GLIS3: variants seen among roughly 807,000 people sequenced by gnomAD.
GLIS3 encodes the protein zinc finger protein GLIS3.
In GLIS3, 53 loss-of-function variants were observed where a neutral mutation model predicts 78.6. The observed-to-expected ratio is 0.67, with a 90% confidence interval of 0.54 to 0.85. The LOEUF (loss-of-function observed/expected upper bound fraction) is 0.85, where lower values mean the gene tolerates loss of function less well. Among genes scored for constraint, GLIS3 ranks in the 40% least tolerant of loss-of-function variants. The pLI, the probability that GLIS3 is intolerant of heterozygous loss-of-function variation, is 0.00. For missense variants in GLIS3, 1,703 were observed against 1,231.1 expected, an observed-to-expected ratio of 1.38 and a Z score of -5.74; for synonymous variants, 684 against 509.9, an observed-to-expected ratio of 1.34 and a Z score of -4.60.
the GLIS3 span, among the ~76,000 whole-genome samples, chr9:4,385,793 GAAAGAAAGAAAGAAAGAAAAGAA>G: frequency 0.012 from 933 of 75,708 alleles, 51 homozygotes; most frequent in African/African-American, 0.056. Context: ...AAGAAAGAAA[GAAAGAAAGAAAGAAAGAAAAGAA>G]AGAAAGAGAA....
intron 4 of GLIS3, among the ~76,000 whole-genome samples, chr9:3,974,950 C>T (rs1818653518): frequency 1.3e-5 from 2 of 151,862 alleles, no homozygotes; most frequent in African/African-American, 2.4e-5. Context: ...GGACTAGAAA[C>T]GTGATAAGGC....
chr9:4,175,773 T>C (rs924131998), intron 2 of GLIS3, among the ~76,000 whole-genome samples: 6 of 152,214 alleles, frequency 3.9e-5, no homozygotes, highest in Admixed American at 6.5e-5. Flanking sequence ...AGGGATTGAA[T>C]ACTCCTTTTA....
intron 4 of GLIS3, among the ~76,000 whole-genome samples, chr9:4,089,792 C>T (rs1208339357): frequency 6.6e-6 from 1 of 152,120 alleles, no homozygotes; most frequent in Non-Finnish European, 1.5e-5. Flanking sequence ...GCATTCTAGC[C>T]TGGGCAACAA....
chr9:4,149,048 G>T (rs548426181), intron 2 of GLIS3, among the ~76,000 whole-genome samples: 5 of 152,296 alleles, frequency 3.3e-5, no homozygotes, highest in Non-Finnish European at 4.4e-5. Context: ...CAAAGGAGGT[G>T]CAGAGTTTAC....
At chr9:3,965,296 C>A (rs551760318) in intron 4 of GLIS3, among the ~76,000 whole-genome samples, 2 of 144,670 alleles carry the variant, frequency 1.4e-5, no homozygotes, top group Non-Finnish European at 1.5e-5. Flanking sequence ...CAGGTTCAAG[C>A]GATTCTCCTG....
At chr9:4,251,928 TG>T (rs1364647161) in intron 2 of GLIS3, among the ~76,000 whole-genome samples, 2 of 152,232 alleles carry the variant, frequency 1.3e-5, no homozygotes, top group Admixed American at 1.3e-4. Flanking sequence ...TGTTTAATAT[TG>T]GCCCCCACTC....
At chr9:4,374,057 G>C in the GLIS3 span, among the ~76,000 whole-genome samples, 11 of 152,190 alleles carry the variant, frequency 7.2e-5, no homozygotes, top group African/African-American at 2.7e-4. Flanking sequence ...TGCAACGAAT[G>C]GAATAGGTAA....
chr9:4,373,962 G>A, the GLIS3 span, among the ~76,000 whole-genome samples: 1 of 152,160 alleles, frequency 6.6e-6, no homozygotes, highest in African/African-American at 2.4e-5. Flanking sequence ...CACCGCGCCT[G>A]GCCGAAAATG....
intron 3 of GLIS3, among the ~76,000 whole-genome samples, chr9:4,120,354 AAC>A (rs1832081371): frequency 1.3e-5 from 2 of 152,250 alleles, no homozygotes; most frequent in Admixed American, 6.5e-5. Flanking sequence ...ACCAAAGACA[AAC>A]ACAGCAGGAA....
intron 2 of GLIS3, among the ~76,000 whole-genome samples, chr9:4,334,047 C>T (rs942057229): frequency 6.6e-6 from 1 of 152,088 alleles, no homozygotes; most frequent in Non-Finnish European, 1.5e-5. Flanking sequence ...ATGAGGCAGA[C>T]AATACTCTAG....
At chr9:4,305,724 A>C (rs902494282) in intron 4 of GLIS3, 2 of 148,356 alleles carry the variant, frequency 1.3e-5, no homozygotes, top group Non-Finnish European at 3.0e-5. Context: ...CTAGAGAGCC[A>C]CTGGAAAGGT....
At chr9:4,416,668 G>A in the GLIS3 span, among the ~76,000 whole-genome samples, 3 of 152,008 alleles carry the variant, frequency 2.0e-5, no homozygotes, top group Admixed American at 1.3e-4. Context: ...CTGTTTGGCT[G>A]GTGTCACTTC....
intron 4 of GLIS3, among the ~76,000 whole-genome samples, chr9:3,988,580 A>T (rs1819962160): frequency 6.6e-6 from 1 of 152,204 alleles, no homozygotes; most frequent in Non-Finnish European, 1.5e-5. Flanking sequence ...ATTGAACAGA[A>T]TAGACAACCC....
At chr9:4,434,253 G>A in the GLIS3 span, among the ~76,000 whole-genome samples, 2 of 152,168 alleles carry the variant, frequency 1.3e-5, no homozygotes, top group Non-Finnish European at 2.9e-5. Context: ...CCAAGCACCT[G>A]CTGTATGCCA....
At chr9:4,289,644 C>A (rs966861251) in intron 1 of GLIS3, among the ~76,000 whole-genome samples, 1 of 152,072 alleles carries the variant, frequency 6.6e-6, no homozygotes. Flanking sequence ...AACTACTCTA[C>A]CCCAGGCTAC....
intron 1 of GLIS3, among the ~76,000 whole-genome samples, chr9:4,297,937 C>T (rs1440077560): frequency 6.9e-6 from 1 of 144,552 alleles, no homozygotes; most frequent in African/African-American, 2.5e-5. Context: ...CGGCGCGGAG[C>T]TAGGGGCGGG....
At chr9:4,166,369 A>G (rs1262436693) in intron 2 of GLIS3, among the ~76,000 whole-genome samples, 2 of 152,236 alleles carry the variant, frequency 1.3e-5, no homozygotes, top group Non-Finnish European at 2.9e-5. Context: ...GCCAAGAACC[A>G]GTAAGGACAA....
chr9:4,204,941 G>T (rs1002057203), intron 2 of GLIS3, among the ~76,000 whole-genome samples: 1 of 151,694 alleles, frequency 6.6e-6, no homozygotes, highest in African/African-American at 2.4e-5. Context: ...CAGTTGGGAG[G>T]CCGAGGTGGG....
At chr9:4,109,029 G>A (rs553903190) in intron 4 of GLIS3, among the ~76,000 whole-genome samples, 25 of 152,246 alleles carry the variant, frequency 1.6e-4, no homozygotes, top group African/African-American at 5.8e-4. Context: ...ATGGTGTTCA[G>A]GACTGAGTCA....
Sources: allele counts gnomAD v4.1 joint callset (sites outside exome capture counted in the v4.1 genomes callset), GRCh38; gene constraint gnomAD v4.1.1; transcripts MANE v1.5; gene names NCBI Gene and HGNC (gene_info 2026-07-23, HGNC 2026-07-21).